The following CELF2 variants were observed in gnomAD, a reference collection of about 807,000 sequenced individuals.
CELF2 encodes the protein CUG triplet repeat RNA-binding protein 2.
A neutral mutation model predicts 62.6 loss-of-function variants in CELF2; 8 were observed. That is an observed-to-expected ratio of 0.13 (90% CI 0.07 to 0.23). The LOEUF is 0.23. Ranked by LOEUF, CELF2 falls within the 10% of genes least tolerant of loss-of-function variation. The probability of loss-of-function intolerance (pLI) is 1.00; values close to 1 mark genes in which losing one functional copy is unlikely to be tolerated. For missense variants in CELF2, 333 were observed against 671.0 expected (o/e 0.50, Z 5.56); for synonymous variants, 258 against 250.0 (o/e 1.03, Z -0.30).
At chr10:10,803,702 A>G (rs1487241635) in intron 1 of CELF2, among the ~76,000 whole-genome samples, 1 of 152,238 alleles carries the variant, frequency 6.6e-6, no homozygotes, top group Non-Finnish European at 1.5e-5. Context: ...CATTGCCAGT[A>G]TCTGCCATCT....
the CELF2 span, among the ~76,000 whole-genome samples, chr10:10,648,054 T>C: frequency 1.3e-5 from 2 of 152,158 alleles, no homozygotes; most frequent in Admixed American, 6.5e-5. Flanking sequence ...TACTTACCCT[T>C]CAAGAAATTT....
At chr10:10,814,210 G>A in intron 1 of CELF2, among the ~76,000 whole-genome samples, 1 of 59,392 alleles carries the variant, frequency 1.7e-5, no homozygotes, top group African/African-American at 7.4e-5. Context: ...GGAAAGAAGA[G>A]TCCTAAAAAA....
chr10:10,990,430 T>C lies in CELF2; in HGVS notation c.89+70431T>C, dbSNP rs1255676394. The stretch of plus-strand genomic sequence containing the variant: ...TGTAGATAATTTTTCTTCTTTATAC[T>C]TATCTGTGTTTCTGAGCATTATTAT... On this transcript the variant is annotated intron_variant, in intron 2 of 13. Coordinates refer to the CELF2 transcript ENST00000636488. The surrounding 1 kb of genome is among the most constrained non-coding windows in gnomAD (Gnocchi z 4.6). Among the ~76,000 whole-genome samples the C allele has an allele frequency of 1.3e-5, 2 of 151,958 alleles. No homozygotes were observed. The highest frequency in any genetic ancestry group is 2.9e-5 in the Non-Finnish European group (2 of 67,946).
At chr10:11,288,271 G>A (rs2091829445) in intron 8 of CELF2, 147 bp from the exon 9 acceptor site, 1 of 870,590 alleles carries the variant, frequency 1.1e-6, no homozygotes, top group Admixed American at 2.8e-5. Context: ...GAGGGCTGGA[G>A]AGCCCAGCTC....
the CELF2 span, among the ~76,000 whole-genome samples, chr10:10,643,060 T>G: frequency 6.6e-6 from 1 of 152,370 alleles, no homozygotes; most frequent in South Asian, 2.1e-4. Flanking sequence ...ATGTAAAATA[T>G]TTTTAAATGT....
At chr10:11,204,018 G>T (rs1015094792) in intron 2 of CELF2, among the ~76,000 whole-genome samples, 5 of 152,208 alleles carry the variant, frequency 3.3e-5, no homozygotes, top group Non-Finnish European at 5.9e-5. Flanking sequence ...AAGAGGAGGG[G>T]CGCAGAGGGT....
chr10:11,335,264 C>CTGAT lies in CELF2; in HGVS notation c.*6214_*6217dup, dbSNP rs1336770955. 3 of 152,376 alleles carry CTGAT rather than the reference C, an allele frequency of 2.0e-5. No individual in the cohort carries two copies. The highest frequency in any genetic ancestry group is 2.4e-5 in the African/African-American group (1 of 41,468). 9.4% of individuals were successfully genotyped at this position (152,376 alleles called of 1,614,324 possible). A position where few individuals can be genotyped will look rare whatever the true frequency, so the allele number is the denominator to read the frequency against. On this transcript the variant is annotated 3_prime_UTR_variant, in exon 13 of 13. Transcript: ENST00000633077. This position sits in a 1 kb window ranked among gnomAD's most constrained non-coding sequence, Gnocchi z 5.0. ...CCCTGTTCTGCCTCTGCTCAGGAAT[C>CTGAT]TGATTGCTCTTAAAGTGCTCTTACA...
chr10:10,849,917 C>A (rs1431387726), intron 1 of CELF2, among the ~76,000 whole-genome samples: 2 of 151,288 alleles, frequency 1.3e-5, no homozygotes, highest in African/African-American at 4.9e-5. Flanking sequence ...CCGAGGCAGG[C>A]AGATCACAAG....
the CELF2 span, among the ~76,000 whole-genome samples, chr10:10,625,743 T>C: frequency 6.1e-4 from 93 of 152,210 alleles, no homozygotes; most frequent in African/African-American, 2.2e-3. Flanking sequence ...TTCTTATCCA[T>C]CCCTCATTGA....
the CELF2 span, among the ~76,000 whole-genome samples, chr10:10,492,254 C>T: frequency 6.6e-6 from 1 of 152,164 alleles, no homozygotes; most frequent in Non-Finnish European, 1.5e-5. Context: ...AGCTCAAATC[C>T]AGCCTTGCCC....
Position 10,931,374 on chromosome 10 carries a change from G to T in CELF2, c.89+11375G>T, listed in dbSNP as rs958684493. Among the ~76,000 whole-genome samples, 10 of 152,034 alleles carry T rather than the reference G, an allele frequency of 6.6e-5. No individual in the cohort carries two copies. The highest frequency in any genetic ancestry group is 1.3e-4 in the Non-Finnish European group (9 of 68,016). On this transcript the variant is annotated intron_variant, in intron 2 of 13. Transcript: ENST00000636488. This position sits in a 1 kb window ranked among gnomAD's most constrained non-coding sequence, Gnocchi z 6.1. ...TTGTCATGCTGGCTGGGGGTGGGGG[G>T]TGTAACTTTAAGGAATAATGCCAAG...
intron 1 of CELF2, among the ~76,000 whole-genome samples, chr10:10,830,026 CTA>C (rs2057716552): frequency 1.3e-5 from 2 of 151,364 alleles, no homozygotes; most frequent in Admixed American, 6.6e-5. Flanking sequence ...CTTCAATCCT[CTA>C]TGATATTTAC....
intron 8 of CELF2, among the ~76,000 whole-genome samples, chr10:11,283,949 G>C (rs1248667112): frequency 3.5e-5 from 5 of 142,950 alleles, no homozygotes; most frequent in Non-Finnish European, 4.6e-5. Flanking sequence ...GGGTGGATGA[G>C]GGATGAGTGT....
the CELF2 span, among the ~76,000 whole-genome samples, chr10:10,496,809 G>C: frequency 1.4e-4 from 21 of 152,094 alleles, no homozygotes; most frequent in Admixed American, 1.2e-3. Context: ...GAGAAGTTTG[G>C]GGGTGTGGAG....
In CELF2 at chr10:11,144,765, G is replaced by A. The variant is rs572827259; in HGVS notation, c.75-20721G>A. 2.2e-4 allele frequency among the ~76,000 whole-genome samples: 34 copies of A among 151,776 alleles called. 1 individual carries two copies. In the South Asian group the frequency reaches 6.9e-3, roughly 31 times the overall value. ...AAATCAGCCAGGTGTGGTGGTGCAC[G>A]CCTGTCGTACCAGCTACTCGGGAGG... On this transcript the variant is annotated intron_variant, in intron 1 of 12. Transcript: ENST00000633077.
the CELF2 span, among the ~76,000 whole-genome samples, chr10:10,502,277 G>A: frequency 3.0e-4 from 45 of 151,938 alleles, no homozygotes; most frequent in Admixed American, 2.0e-4. Context: ...TTCATAAAAA[G>A]TATTGGAGGG....
the CELF2 span, among the ~76,000 whole-genome samples, chr10:10,599,729 T>C: frequency 3.4e-5 from 5 of 145,254 alleles, no homozygotes; most frequent in East Asian, 1.9e-4. Flanking sequence ...TTCTTTCTTT[T>C]TTTTTTTTTT....
In CELF2 at chr10:11,098,657, G is replaced by C. The variant is rs1179915212; in HGVS notation, c.75-66829G>C. ...CAAATAATGCATGATAAGTATAAAT[G>C]TGTCATGAGCACACTGTTTTCTCTG... On this transcript the variant is annotated intron_variant, in intron 1 of 12. Coordinates refer to ENST00000633077, the MANE Select transcript of CELF2 (RefSeq NM_001326342.2). This position sits in a 1 kb window ranked among gnomAD's most constrained non-coding sequence, Gnocchi z 4.0. Among the ~76,000 whole-genome samples, 1 of 152,156 alleles carries C rather than the reference G, an allele frequency of 6.6e-6. No homozygotes were observed. Among genetic ancestry groups the C allele is most frequent in the Non-Finnish European group, 1.5e-5 (1 of 68,022 alleles).
chr10:10,873,499 A>T (rs2060891243), intron 1 of CELF2, among the ~76,000 whole-genome samples: 1 of 152,158 alleles, frequency 6.6e-6, no homozygotes, highest in Non-Finnish European at 1.5e-5. Flanking sequence ...CTCAAGCTGG[A>T]TTCTGTCCAA....
Sources: gnomAD v4.1 joint callset for allele counts (sites outside exome capture counted in the v4.1 genomes callset) on GRCh38, gnomAD v4.1.1 for gene constraint, Gnocchi (gnomAD v3.1) non-coding constraint, MANE v1.5 for transcripts, NCBI Gene and HGNC (gene_info 2026-07-23, HGNC 2026-07-21) for gene names.